The following STOX1 variants were observed in gnomAD, a reference collection of about 807,000 sequenced individuals.
The protein encoded by STOX1 is storkhead-box protein 1.
In STOX1, 57 loss-of-function variants were observed where a neutral mutation model predicts 74.8. That is an observed-to-expected ratio of 0.76 (90% confidence interval 0.62 to 0.95). The LOEUF (loss-of-function observed/expected upper bound fraction) is 0.95, where lower values mean the gene tolerates loss of function less well. STOX1 is among the 40% of genes least tolerant of loss of function. STOX1 has a pLI of 0.00. For synonymous variants in STOX1, 375 were observed against 401.3 expected, an observed-to-expected ratio of 0.93 and a Z score of 0.78; for missense variants, 1,010 against 1,117.0, an observed-to-expected ratio of 0.90 and a Z score of 1.37.
chr10:68,830,074 C>T (rs1484408137), intron 1 of STOX1, among the ~76,000 whole-genome samples: 1 of 152,132 alleles, frequency 6.6e-6, no homozygotes, highest in Non-Finnish European at 1.5e-5. Flanking sequence ...TCACGGGCTG[C>T]CACTAATGCC....
chr10:68,856,682 T>A (rs559652346), intron 1 of STOX1, among the ~76,000 whole-genome samples: 2 of 152,038 alleles, frequency 1.3e-5, no homozygotes, highest in Non-Finnish European at 2.9e-5. Context: ...CCCTCCTCCT[T>A]GCTGCAGCGT....
intron 1 of STOX1, among the ~76,000 whole-genome samples, chr10:68,869,641 C>CTT (rs1840491687): frequency 6.6e-6 from 1 of 152,140 alleles, no homozygotes. Flanking sequence ...AGGGAAGTCA[C>CTT]AGCTGAAGGT....
chr10:68,858,251 G>A (rs138752032), intron 1 of STOX1, among the ~76,000 whole-genome samples: 94 of 152,172 alleles, frequency 6.2e-4, no homozygotes, highest in Non-Finnish European at 1.2e-3. Context: ...AGCAGAAGTC[G>A]GGTGACCCTC....
chr10:68,882,733 A>T (rs916879667), intron 2 of STOX1, among the ~76,000 whole-genome samples: 1 of 152,074 alleles, frequency 6.6e-6, no homozygotes, highest in African/African-American at 2.4e-5. Context: ...TCCTGACCTC[A>T]TGATCCACCC....
intron 1 of STOX1, among the ~76,000 whole-genome samples, chr10:68,858,919 T>C (rs1840193355): frequency 2.0e-5 from 3 of 152,126 alleles, no homozygotes; most frequent in African/African-American, 7.3e-5. Context: ...ACACATGTTT[T>C]ATCTCATGAT....
At chr10:68,842,396 G>C (rs1368461017) in intron 1 of STOX1, among the ~76,000 whole-genome samples, 2 of 152,152 alleles carry the variant, frequency 1.3e-5, no homozygotes, top group African/African-American at 4.8e-5. Flanking sequence ...GAAACTGCTT[G>C]TCAAGATCAT....
rs752718800 is a variant in STOX1 at position 68,827,759 on chromosome 10, C to T, written c.136C>T (p.Arg46Cys). The T allele has an allele frequency of 1.3e-6, 1 of 741,272 alleles. No individual in the cohort carries two copies. Among genetic ancestry groups the T allele is most frequent in the Non-Finnish European group, 1.6e-6 (1 of 621,370 alleles). 45.9% of individuals were successfully genotyped at this position (741,272 alleles called of 1,614,324 possible). A position where few individuals can be genotyped will look rare whatever the true frequency, so the allele number is the denominator to read the frequency against. Reference sequence around the variant, plus strand: ...CCGCGCTTTCCGTCGCGCCAACGCGCGCTGCTTCTGGAACGCGCGGCTGGC... The same window carrying T: ...CCGCGCTTTCCGTCGCGCCAACGCGTGCTGCTTCTGGAACGCGCGGCTGGC... ...VFRAFRRANA[R>C]CFWNARLARA... The change falls in exon 1 of 4, where the codon CGC (arginine) becomes TGC (cysteine). Residue 46 changes from arginine to cysteine, a missense_variant. Physicochemically the swap from Arg to Cys is radical, Grantham distance 180. Coordinates refer to ENST00000298596, the MANE Select transcript of STOX1 (RefSeq NM_152709.5).
At chr10:68,842,405 A>G (rs1220740795) in intron 1 of STOX1, among the ~76,000 whole-genome samples, 2 of 152,012 alleles carry the variant, frequency 1.3e-5, no homozygotes, top group African/African-American at 4.8e-5. Context: ...TGTCAAGATC[A>G]TTTGCGATGT....
In STOX1 at chr10:68,880,159, CTTTCCTTT is replaced by C. The variant is rs781283662; in HGVS notation, c.311-1795_311-1788del. 3.4e-3 allele frequency among the ~76,000 whole-genome samples: 384 copies of C among 113,536 alleles called. 1 individual carries two copies. The highest frequency in any genetic ancestry group is 0.013 in the African/African-American group (348 of 27,760). 74.5% of individuals were successfully genotyped at this position (113,536 alleles called of 152,430 possible). A position where few individuals can be genotyped will look rare whatever the true frequency, so the allele number is the denominator to read the frequency against. The stretch of plus-strand genomic sequence containing the variant: ...CTTTTCTACTGAAATAGTTTTCTTT[CTTTCCTTT>C]TTTTTTTTTTTTTTTGTTTTTGTTT... On this transcript the variant is annotated intron_variant, in intron 1 of 3. Coordinates refer to ENST00000298596, the MANE Select transcript of STOX1 (RefSeq NM_152709.5).
chr10:68,843,597 A>G (rs568608976), intron 1 of STOX1, among the ~76,000 whole-genome samples: 3 of 151,798 alleles, frequency 2.0e-5, no homozygotes, highest in Non-Finnish European at 4.4e-5. Flanking sequence ...CTGGAGTGCA[A>G]TGGAGCGACC....
chr10:68,854,430 G>A (rs749313524), intron 1 of STOX1, among the ~76,000 whole-genome samples: 3 of 151,954 alleles, frequency 2.0e-5, no homozygotes, highest in Non-Finnish European at 4.4e-5. Context: ...CCGAGTAGCT[G>A]GGACTACAGG....
chr10:68,855,761 AAAC>A (rs1192333079), intron 1 of STOX1, among the ~76,000 whole-genome samples: 3 of 151,252 alleles, frequency 2.0e-5, no homozygotes, highest in African/African-American at 7.3e-5. Flanking sequence ...AGGAAAAAAA[AAAC>A]AAAAAAAGAC....
chr10:68,827,599 CG>C lies in STOX1; in HGVS notation c.-22del, dbSNP rs972301897. ...CCGCGCTCGCCGAGGCCCTGCGTTG[CG>C]GGCTCCCGGCCGCCGGCGAAAGCAT... On this transcript the variant is annotated 5_prime_UTR_variant, in exon 1 of 4. Transcript: ENST00000298596. The C allele has an allele frequency of 1.8e-4, 202 of 1,135,210 alleles. 1 individual carries two copies. The highest frequency in any genetic ancestry group is 1.5e-3 in the African/African-American group (93 of 60,652). The allele number at this position is 1,135,210 out of a possible 1,614,324, so 70.3% of individuals were successfully genotyped here.
At chr10:68,852,800 A>T (rs1223917511) in intron 1 of STOX1, among the ~76,000 whole-genome samples, 1 of 150,862 alleles carries the variant, frequency 6.6e-6, no homozygotes, top group African/African-American at 2.5e-5. Context: ...CAGAATTCAT[A>T]TGTGAGATGG....
chr10:68,831,569 C>G (rs1839413208), intron 1 of STOX1, among the ~76,000 whole-genome samples: 1 of 152,032 alleles, frequency 6.6e-6, no homozygotes, highest in Non-Finnish European at 1.5e-5. Context: ...GCAGAAAATG[C>G]AGGGAGAGAG....
rs552663223 is a variant in STOX1, at chr10:68,882,090, G to A, written c.443G>A (p.Arg148His). The part of the protein sequence containing the change: ...IVVTQESLLE[R>H]LMKHYPGIAI... ...GTAACGCAGGAATCACTTTTGGAGC[G>A]TTTGATGAAACATTACCCAGGTAGA... Residue 148 changes from arginine to histidine, a missense_variant, in exon 2 of 4, where the codon CGT (arginine) becomes CAT (histidine). Coordinates refer to ENST00000298596, the MANE Select transcript of STOX1 (RefSeq NM_152709.5). The A allele has an allele frequency of 4.8e-5, 78 of 1,613,796 alleles. No individual in the cohort carries two copies. The highest frequency in any genetic ancestry group is 1.1e-4 in the African/African-American group (8 of 75,020).
intron 1 of STOX1, among the ~76,000 whole-genome samples, chr10:68,845,619 T>G (rs1839822657): frequency 6.6e-6 from 1 of 150,782 alleles, no homozygotes; most frequent in African/African-American, 2.4e-5. Flanking sequence ...TTATTTTTTT[T>G]GGATGGATTT....
At chr10:68,873,078 T>C (rs576435451) in intron 1 of STOX1, among the ~76,000 whole-genome samples, 30 of 152,224 alleles carry the variant, frequency 2.0e-4, no homozygotes, top group Admixed American at 4.6e-4. Context: ...GCCATCATCA[T>C]AGATCACTGC....
chr10:68,848,990 T>A (rs1564573732), intron 1 of STOX1, among the ~76,000 whole-genome samples: 1 of 152,122 alleles, frequency 6.6e-6, no homozygotes, highest in Non-Finnish European at 1.5e-5. Flanking sequence ...TTAATTATTA[T>A]TGTGGAACTC....
Sources: gnomAD v4.1 joint callset for allele counts (sites outside exome capture counted in the v4.1 genomes callset) on GRCh38, gnomAD v4.1.1 for gene constraint, MANE v1.5 for transcripts, NCBI Gene and HGNC (gene_info 2026-07-23, HGNC 2026-07-21) for gene names.